Variants in FAM53A observed in about 807,000 individuals in gnomAD.
FAM53A encodes the protein family with sequence similarity 53 member A, also known as protein FAM53A.
A neutral mutation model predicts 26.6 loss-of-function variants in FAM53A; 28 were observed. The observed-to-expected ratio is 1.05, with a 90% CI of 0.78 to 1.45. The LOEUF (loss-of-function observed/expected upper bound fraction) is 1.45, where lower values mean the gene tolerates loss of function less well. FAM53A is among the 40% of genes most tolerant of loss of function. The pLI, the probability that FAM53A is intolerant of heterozygous loss-of-function variation, is 0.00. For synonymous variants in FAM53A, 290 were observed against 253.1 expected (o/e 1.15, Z -1.38); for missense variants, 650 against 575.8 (o/e 1.13, Z -1.32).
At chr4:1,646,216 T>C (rs1423740700) in intron 4 of FAM53A, among the ~76,000 whole-genome samples, 1 of 152,078 alleles carries the variant, frequency 6.6e-6, no homozygotes, top group Non-Finnish European at 1.5e-5. Flanking sequence ...TTCTCCTGCC[T>C]CAGCCTCCCA....
At chr4:1,673,831 T>G (rs933360084) in intron 1 of FAM53A, among the ~76,000 whole-genome samples, 9 of 152,262 alleles carry the variant, frequency 5.9e-5, no homozygotes, top group Non-Finnish European at 7.3e-5. Flanking sequence ...GCAGCAGCTC[T>G]GGCACGCGGG....
the FAM53A span, among the ~76,000 whole-genome samples, chr4:1,576,205 C>T: frequency 1.3e-5 from 2 of 152,226 alleles, no homozygotes; most frequent in African/African-American, 2.4e-5. Context: ...TTTAATCTCG[C>T]GCCTATCTAT....
chr4:1,665,957 CACCCCCATATCTAAAATA>C (rs755210254), intron 2 of FAM53A, among the ~76,000 whole-genome samples: 4 of 147,984 alleles, frequency 2.7e-5, no homozygotes, highest in Admixed American at 6.7e-5. Context: ...CCTGCACCTG[CACCCCCATATCTAAAATA>C]AAACCTGCAC....
At chr4:1,585,298 T>TC in the FAM53A span, among the ~76,000 whole-genome samples, 5 of 104,942 alleles carry the variant, frequency 4.8e-5, no homozygotes, top group Non-Finnish European at 7.7e-5. Flanking sequence ...TTTTTTTTTT[T>TC]TGGAGACAGA....
At chr4:1,675,898 G>A (rs1484912066) in intron 1 of FAM53A, among the ~76,000 whole-genome samples, 2 of 152,242 alleles carry the variant, frequency 1.3e-5, no homozygotes, top group Non-Finnish European at 2.9e-5. Flanking sequence ...CACGGGGGCA[G>A]CAGGGACGAG....
chr4:1,597,054 A>C, the FAM53A span, among the ~76,000 whole-genome samples: 6 of 152,128 alleles, frequency 3.9e-5, no homozygotes, highest in African/African-American at 1.2e-4. Context: ...GGGGACAGGC[A>C]GCTCCTCTGG....
At chr4:1,670,577 A>T (rs895720481) in intron 1 of FAM53A, among the ~76,000 whole-genome samples, 1 of 152,204 alleles carries the variant, frequency 6.6e-6, no homozygotes, top group African/African-American at 2.4e-5. Flanking sequence ...GGCTCACTGG[A>T]TCTGAAATCG....
At chr4:1,587,672 G>T in the FAM53A span, among the ~76,000 whole-genome samples, 1 of 151,894 alleles carries the variant, frequency 6.6e-6, no homozygotes, top group South Asian at 2.1e-4. Flanking sequence ...ACTCTGCCTC[G>T]AAAATAAAAA....
the FAM53A span, among the ~76,000 whole-genome samples, chr4:1,610,955 C>A: frequency 1.4e-4 from 22 of 152,240 alleles, no homozygotes; most frequent in South Asian, 2.1e-4. Context: ...ACACTCTGAG[C>A]ACCCACCCTG....
At chr4:1,610,347 G>A in the FAM53A span, among the ~76,000 whole-genome samples, 2 of 152,156 alleles carry the variant, frequency 1.3e-5, no homozygotes, top group Admixed American at 1.3e-4. Context: ...CCCGCCTCAG[G>A]ACACCGCCCG....
At chr4:1,662,322 T>C (rs1307601064) in intron 2 of FAM53A, among the ~76,000 whole-genome samples, 1 of 151,250 alleles carries the variant, frequency 6.6e-6, no homozygotes, top group African/African-American at 2.4e-5. Context: ...CTACTAAAAA[T>C]ATAAAAATTA....
the FAM53A span, among the ~76,000 whole-genome samples, chr4:1,577,076 T>C: frequency 6.7e-6 from 1 of 148,686 alleles, no homozygotes; most frequent in African/African-American, 2.5e-5. Flanking sequence ...GCGGGTACGG[T>C]GGGGACAGGG....
At chr4:1,632,716 T>C (rs1480322944) in intron 1 of FAM53A, among the ~76,000 whole-genome samples, 1 of 152,242 alleles carries the variant, frequency 6.6e-6, no homozygotes. Flanking sequence ...CGTGGGCAGT[T>C]TGCACGCCTG....
chr4:1,636,401 GA>G (rs1308817753), downstream of FAM53A, among the ~76,000 whole-genome samples: 2 of 152,188 alleles, frequency 1.3e-5, no homozygotes, highest in African/African-American at 4.8e-5. Context: ...CGGGGGTTGT[GA>G]ATTTCTCCTC....
At chr4:1,607,699 G>C in the FAM53A span, among the ~76,000 whole-genome samples, 1 of 152,154 alleles carries the variant, frequency 6.6e-6, no homozygotes, top group African/African-American at 2.4e-5. Context: ...CCAGCACTTT[G>C]GGAGGCCGAG....
chr4:1,644,312 G>C, intron 4 of FAM53A: 2 of 1,535,982 alleles, frequency 1.3e-6, no homozygotes, highest in African/African-American at 1.4e-5. Context: ...CCTCGGACGC[G>C]GGACTCGCAC....
intron 1 of FAM53A, among the ~76,000 whole-genome samples, chr4:1,679,564 T>A (rs1715266906): frequency 6.7e-6 from 1 of 148,772 alleles, no homozygotes; most frequent in Non-Finnish European, 1.5e-5. Context: ...CACGCACCTG[T>A]AATCCCAGCT....
chr4:1,637,938 T>C (rs904796596), downstream of FAM53A, among the ~76,000 whole-genome samples: 39 of 146,172 alleles, frequency 2.7e-4, no homozygotes, highest in Admixed American at 2.3e-3. Flanking sequence ...TCCACGGCTC[T>C]GGGGTCACCC....
chr4:1,637,143 G>A (rs1665665470), downstream of FAM53A, among the ~76,000 whole-genome samples: 1 of 151,940 alleles, frequency 6.6e-6, no homozygotes, highest in African/African-American at 2.4e-5. Flanking sequence ...GAGGTCCGGG[G>A]CTCTCAGCTG....
Sources: allele counts gnomAD v4.1 joint callset (sites outside exome capture counted in the v4.1 genomes callset), GRCh38; gene constraint gnomAD v4.1.1; transcripts MANE v1.5; gene names NCBI Gene and HGNC (gene_info 2026-07-23, HGNC 2026-07-21).